Variants in PREX1 observed in about 807,000 individuals in gnomAD.
The protein encoded by PREX1 is phosphatidylinositol 3,4,5-trisphosphate-dependent Rac exchanger 1 protein.
Under a neutral mutation model 198.3 loss-of-function variants are expected in PREX1, and 41 were observed. The ratio of observed to expected loss-of-function variants is 0.21; its 90% CI spans 0.16 to 0.27. The LOEUF (loss-of-function observed/expected upper bound fraction) is 0.27. Among genes scored for constraint, PREX1 ranks in the 10% least tolerant of loss-of-function variants. PREX1 has a pLI of 1.00. For missense variants in PREX1, 1,620 were observed against 2,200.7 expected, an observed-to-expected ratio of 0.74 and a Z score of 5.28; for synonymous variants, 843 against 887.2, an observed-to-expected ratio of 0.95 and a Z score of 0.89.
intron 1 of PREX1, among the ~76,000 whole-genome samples, chr20:48,814,995 A>G (rs1568651995): frequency 6.6e-6 from 1 of 152,236 alleles, no homozygotes; most frequent in Admixed American, 6.5e-5. Flanking sequence ...GGCTATAGCA[A>G]TATCAGACAA....
At chr20:48,812,675 A>G (rs1418689370) in intron 1 of PREX1, among the ~76,000 whole-genome samples, 1 of 152,110 alleles carries the variant, frequency 6.6e-6, no homozygotes, top group Non-Finnish European at 1.5e-5. Context: ...TCAATCTAAG[A>G]AGAGGGCACT....
At chr20:48,755,777 A>G (rs1360565963) in intron 1 of PREX1, among the ~76,000 whole-genome samples, 1 of 152,254 alleles carries the variant, frequency 6.6e-6, no homozygotes, top group African/African-American at 2.4e-5. Flanking sequence ...ATCACAAGCC[A>G]CTGAACCTAA....
the PREX1 span, among the ~76,000 whole-genome samples, chr20:48,887,508 T>C: frequency 6.6e-6 from 1 of 152,140 alleles, no homozygotes; most frequent in African/African-American, 2.4e-5. Context: ...TGGTCCCAGC[T>C]ACTTGGGAGA....
At chr20:48,809,020 GCTTCCTCA>G (rs2090423682) in intron 1 of PREX1, among the ~76,000 whole-genome samples, 1 of 152,206 alleles carries the variant, frequency 6.6e-6, no homozygotes, top group Non-Finnish European at 1.5e-5. Flanking sequence ...CTGAGCCTCT[GCTTCCTCA>G]TCGACACAAT....
intron 1 of PREX1, among the ~76,000 whole-genome samples, chr20:48,765,209 T>G (rs1329865548): frequency 6.6e-6 from 1 of 152,238 alleles, no homozygotes; most frequent in Non-Finnish European, 1.5e-5. Context: ...TATCATACAG[T>G]CTAGCTATAC....
chr20:48,826,121 G>A (rs1245112808), intron 1 of PREX1, among the ~76,000 whole-genome samples: 4 of 151,696 alleles, frequency 2.6e-5, no homozygotes, highest in South Asian at 2.1e-4. Flanking sequence ...AGGAGCCCCA[G>A]AGGACCCCAG....
At chr20:48,673,008 C>T (rs997167580) in intron 14 of PREX1, among the ~76,000 whole-genome samples, 8 of 150,492 alleles carry the variant, frequency 5.3e-5, no homozygotes, top group Non-Finnish European at 5.9e-5. Flanking sequence ...CCCTGATACA[C>T]GGCAGGTGCT....
At chr20:48,885,749 G>A in the PREX1 span, among the ~76,000 whole-genome samples, 1 of 151,842 alleles carries the variant, frequency 6.6e-6, no homozygotes, top group African/African-American at 2.4e-5. Flanking sequence ...CTATCAAGCC[G>A]TGGAAAGACA....
At chr20:48,774,650 C>T (rs2090252537) in intron 1 of PREX1, among the ~76,000 whole-genome samples, 1 of 152,236 alleles carries the variant, frequency 6.6e-6, no homozygotes, top group South Asian at 2.1e-4. Context: ...CACCTCTCTC[C>T]CCCAACCTGG....
intron 1 of PREX1, among the ~76,000 whole-genome samples, chr20:48,825,780 G>T (rs899988424): frequency 1.4e-4 from 22 of 151,838 alleles, no homozygotes; most frequent in African/African-American, 5.1e-4. Context: ...CCTAGAATTT[G>T]ACATTGCTCA....
chr20:48,637,851 C>T, intron 30 of PREX1, 99 bp from the exon 31 acceptor site: 1 of 1,064,462 alleles, frequency 9.4e-7, no homozygotes. Context: ...TCCCAAGGTG[C>T]TCTGACCCTT....
At chr20:48,813,781 C>A (rs1240155682) in intron 1 of PREX1, among the ~76,000 whole-genome samples, 1 of 152,192 alleles carries the variant, frequency 6.6e-6, no homozygotes, top group East Asian at 1.9e-4. Flanking sequence ...TGTGCCTAGA[C>A]TGCCATATGT....
intron 13 of PREX1, among the ~76,000 whole-genome samples, chr20:48,676,606 C>A (rs1458229231): frequency 6.6e-6 from 1 of 152,182 alleles, no homozygotes; most frequent in Non-Finnish European, 1.5e-5. Context: ...GCTGTCAAGA[C>A]CTGGAGGGGC....
chr20:48,819,259 C>T (rs1046229987), intron 1 of PREX1, among the ~76,000 whole-genome samples: 1 of 152,310 alleles, frequency 6.6e-6, no homozygotes, highest in East Asian at 1.9e-4. Context: ...CCAATCTCAT[C>T]TCCCTTACTC....
intron 1 of PREX1, among the ~76,000 whole-genome samples, chr20:48,804,246 G>A (rs1418791130): frequency 6.6e-6 from 1 of 152,236 alleles, no homozygotes; most frequent in Non-Finnish European, 1.5e-5. Flanking sequence ...GAATAAAAGA[G>A]ACAAAACCCC....
At chr20:48,750,646 C>A (rs529793480) in intron 1 of PREX1, among the ~76,000 whole-genome samples, 3 of 152,302 alleles carry the variant, frequency 2.0e-5, no homozygotes, top group Middle Eastern at 6.8e-3. Context: ...ATCCATCCGG[C>A]CTTAGTTCAA....
At chr20:48,726,213 G>T in intron 5 of PREX1, 77 bp downstream of exon 5, 1 of 1,250,450 alleles carries the variant, frequency 8.0e-7, no homozygotes, top group Non-Finnish European at 1.1e-6. Flanking sequence ...AGACTTCTCA[G>T]ATACTTGAAC....
Position 48,742,874 on chromosome 20 carries a change from TCAGA to T in PREX1, c.414+2147_414+2150del, listed in dbSNP as rs201848197. 6.0e-3 allele frequency among the ~76,000 whole-genome samples: 906 copies of T among 152,168 alleles called. 30 individuals carry two copies. The highest frequency in any genetic ancestry group is 0.041 in the East Asian group (212 of 5,170). ...CCCACTTCCCCACAGCCTCTGGGGC[TCAGA>T]CAGAGAAGCCAAAGGAATGAGGGGG... On this transcript the variant is annotated intron_variant, in intron 3 of 39. Coordinates refer to ENST00000371941, the MANE Select transcript of PREX1 (RefSeq NM_020820.4).
At chr20:48,872,775 C>G in the PREX1 span, among the ~76,000 whole-genome samples, 1 of 151,462 alleles carries the variant, frequency 6.6e-6, no homozygotes, top group African/African-American at 2.4e-5. Flanking sequence ...AAATAAATAA[C>G]AAAATAAGCA....
Sources: allele counts gnomAD v4.1 joint callset (sites outside exome capture counted in the v4.1 genomes callset), GRCh38; gene constraint gnomAD v4.1.1; transcripts MANE v1.5; gene names NCBI Gene and HGNC (gene_info 2026-07-23, HGNC 2026-07-21).